The following ST8SIA2 variants were observed in gnomAD, a reference collection of about 807,000 sequenced individuals.
The protein encoded by ST8SIA2 is ST8 alpha-N-acetyl-neuraminide alpha-2,8-sialyltransferase 2.
ST8SIA2 carries 22 observed loss-of-function variants against 37.6 expected under a neutral mutation model. The ratio of observed to expected loss-of-function variants is 0.58; its 90% confidence interval spans 0.42 to 0.83. ST8SIA2 has a LOEUF of 0.83. Ranked by LOEUF, ST8SIA2 falls within the 40% of genes least tolerant of loss-of-function variation. The probability of loss-of-function intolerance (pLI) is 0.00; values close to 1 mark genes in which losing one functional copy is unlikely to be tolerated. For missense variants in ST8SIA2, 382 were observed against 484.7 expected (o/e 0.79, Z 1.99); for synonymous variants, 205 against 201.2 (o/e 1.02, Z -0.16).
At chr15:92,427,206 CAGTT>C (rs1452533490) in intron 1 of ST8SIA2, among the ~76,000 whole-genome samples, 2 of 142,038 alleles carry the variant, frequency 1.4e-5, no homozygotes, top group Non-Finnish European at 3.0e-5. Flanking sequence ...TATATATACA[CAGTT>C]TGTTTGTCTA....
chr15:92,407,156 AAGTAAACT>A (rs2049514451), intron 1 of ST8SIA2, among the ~76,000 whole-genome samples: 1 of 152,200 alleles, frequency 6.6e-6, no homozygotes, highest in Admixed American at 6.5e-5. Context: ...TTTTACGGAC[AAGTAAACT>A]GAGACTCAGA....
chr15:92,416,582 G>A (rs1038688732), intron 1 of ST8SIA2, among the ~76,000 whole-genome samples: 2 of 152,164 alleles, frequency 1.3e-5, no homozygotes, highest in African/African-American at 4.8e-5. Flanking sequence ...GAAGTCTATG[G>A]CCTAAGGGGT....
intron 5 of ST8SIA2, among the ~76,000 whole-genome samples, chr15:92,449,212 C>T (rs1341139690): frequency 6.6e-6 from 1 of 152,136 alleles, no homozygotes; most frequent in Admixed American, 6.5e-5. Context: ...CATGAATACC[C>T]AATGTTTAGC....
intron 5 of ST8SIA2, among the ~76,000 whole-genome samples, chr15:92,456,128 A>G (rs1244357154): frequency 1.3e-5 from 2 of 152,258 alleles, no homozygotes; most frequent in Non-Finnish European, 2.9e-5. Context: ...GGGGACAGAG[A>G]TGATACCTGG....
chr15:92,407,603 C>T (rs1483582295), intron 1 of ST8SIA2, among the ~76,000 whole-genome samples: 1 of 152,132 alleles, frequency 6.6e-6, no homozygotes, highest in African/African-American at 2.4e-5. Flanking sequence ...TGGTGGCCTG[C>T]CCAGCCTGCG....
chr15:92,429,794 G>T (rs554944420), intron 1 of ST8SIA2, among the ~76,000 whole-genome samples: 1 of 152,348 alleles, frequency 6.6e-6, no homozygotes, highest in Non-Finnish European at 1.5e-5. Flanking sequence ...GGACTCAAGT[G>T]AGAACCTGGC....
At chr15:92,457,994 CT>C (rs2049931424) in intron 5 of ST8SIA2, among the ~76,000 whole-genome samples, 1 of 152,228 alleles carries the variant, frequency 6.6e-6, no homozygotes, top group Admixed American at 6.5e-5. Context: ...GTGTGCACTG[CT>C]GGCTTCCTCC....
chr15:92,430,509 T>C (rs2049707608), intron 2 of ST8SIA2, among the ~76,000 whole-genome samples: 1 of 152,218 alleles, frequency 6.6e-6, no homozygotes, highest in East Asian at 1.9e-4. Flanking sequence ...AAATAAAGCA[T>C]TCGGGAACTT....
In ST8SIA2 at chr15:92,441,617, A is replaced by G. The variant is rs545235468; in HGVS notation, c.548+3007A>G. On this transcript the variant is annotated intron_variant, in intron 4 of 5. Coordinates refer to ENST00000268164, the MANE Select transcript of ST8SIA2 (RefSeq NM_006011.4). The stretch of plus-strand genomic sequence containing the variant: ...CACACACACACACACACACACACAC[A>G]CACGCACTTCTTCCATAGGGAGAAT... Among the ~76,000 whole-genome samples the G allele has an allele frequency of 5.1e-4, 71 of 140,394 alleles. No individual in the cohort carries two copies. In the South Asian group the frequency reaches 5.4e-3, roughly 11 times the overall value. 92.1% of individuals were successfully genotyped at this position (140,394 alleles called of 152,430 possible). A position where few individuals can be genotyped will look rare whatever the true frequency, so the allele number is the denominator to read the frequency against.
intron 1 of ST8SIA2, among the ~76,000 whole-genome samples, chr15:92,398,861 A>T (rs1170891542): frequency 6.6e-6 from 1 of 152,214 alleles, no homozygotes; most frequent in Non-Finnish European, 1.5e-5. Context: ...TCTGAAGACC[A>T]ACTCATCCCC....
intron 3 of ST8SIA2, among the ~76,000 whole-genome samples, chr15:92,434,886 A>G (rs2049744942): frequency 6.7e-6 from 1 of 148,878 alleles, no homozygotes; most frequent in South Asian, 2.2e-4. Flanking sequence ...CCAGGAACTG[A>G]CATGACACCC....
Position 92,444,945 on chromosome 15 carries a change from A to G in ST8SIA2, c.842+16A>G. 3.1e-6 allele frequency: 5 copies of G among 1,606,808 alleles called. No individual in the cohort carries two copies. Among genetic ancestry groups the G allele is most frequent in the Non-Finnish European group, 4.2e-6 (5 of 1,179,980 alleles). ...CCGTTCGCGGGTGAGCGGCCTCCCT[A>G]CAGGCCAGTAGGACCGTCACTAAGT... is the stretch of plus-strand genomic sequence containing the variant. On this transcript the variant is annotated intron_variant, in intron 5 of 5. Coordinates refer to ENST00000268164, the MANE Select transcript of ST8SIA2 (RefSeq NM_006011.4).
chr15:92,422,923 G>T (rs965549459), intron 1 of ST8SIA2, among the ~76,000 whole-genome samples: 1 of 152,268 alleles, frequency 6.6e-6, no homozygotes, highest in Middle Eastern at 3.4e-3. Flanking sequence ...GCTCATCTCT[G>T]TGATGTTCTG....
chr15:92,439,853 A>T (rs1178985559), intron 4 of ST8SIA2, among the ~76,000 whole-genome samples: 15 of 150,414 alleles, frequency 1.0e-4, no homozygotes, highest in Non-Finnish European at 7.4e-5. Context: ...CCAGAGAAGG[A>T]GTGACGGGTG....
At chr15:92,414,116 CT>C (rs1209729304) in intron 1 of ST8SIA2, among the ~76,000 whole-genome samples, 1 of 152,264 alleles carries the variant, frequency 6.6e-6, no homozygotes, top group African/African-American at 2.4e-5. Context: ...TCCCCGCCTT[CT>C]GCACAGCCTG....
intron 3 of ST8SIA2, among the ~76,000 whole-genome samples, chr15:92,436,407 C>T (rs2049759074): frequency 6.6e-6 from 1 of 152,200 alleles, no homozygotes; most frequent in Non-Finnish European, 1.5e-5. Context: ...GTCCCTTCAG[C>T]AGCAACAATG....
At chr15:92,445,618 G>A (rs1305122781) in intron 5 of ST8SIA2, among the ~76,000 whole-genome samples, 1 of 152,142 alleles carries the variant, frequency 6.6e-6, no homozygotes, top group Non-Finnish European at 1.5e-5. Flanking sequence ...CTTTACCTAG[G>A]CAATATGAAA....
chr15:92,445,558 C>G (rs1443504814), intron 5 of ST8SIA2, among the ~76,000 whole-genome samples: 1 of 152,166 alleles, frequency 6.6e-6, no homozygotes, highest in Non-Finnish European at 1.5e-5. Flanking sequence ...AGGAGCGTCT[C>G]TTAGGATATG....
chr15:92,408,895 G>A (rs902474018), intron 1 of ST8SIA2, among the ~76,000 whole-genome samples: 2 of 151,736 alleles, frequency 1.3e-5, no homozygotes, highest in African/African-American at 4.8e-5. Flanking sequence ...GGGTAGAGGC[G>A]GGGTTTCACC....
Sources: gnomAD v4.1 joint callset for allele counts (sites outside exome capture counted in the v4.1 genomes callset) on GRCh38, gnomAD v4.1.1 for gene constraint, MANE v1.5 for transcripts, NCBI Gene and HGNC (gene_info 2026-07-23, HGNC 2026-07-21) for gene names.